Variants in MALRD1 observed in about 807,000 individuals in gnomAD.
The protein encoded by MALRD1 is MAM and LDL-receptor class A domain-containing protein 1.
Under a neutral mutation model 242.1 loss-of-function variants are expected in MALRD1, and 247 were observed. The ratio of observed to expected loss-of-function variants is 1.02; its 90% CI spans 0.92 to 1.13. The LOEUF (loss-of-function observed/expected upper bound fraction) is 1.13, where lower values mean the gene tolerates loss of function less well. MALRD1 is among the 50% of genes most tolerant of loss of function. MALRD1 has a pLI of 0.00. For synonymous variants in MALRD1, 995 were observed against 866.6 expected (o/e 1.15, Z -2.60); for missense variants, 2,989 against 2,533.1 (o/e 1.18, Z -3.86).
At chr10:19,692,656 G>A (rs1182606392) in intron 38 of MALRD1, 102 bp downstream of exon 38, 8 of 855,430 alleles carry the variant, frequency 9.4e-6, no homozygotes, top group Non-Finnish European at 1.4e-5. Flanking sequence ...ATTACATGCA[G>A]GAAACTTTAG....
chr10:19,395,206 C>T (rs1333907950), intron 28 of MALRD1, among the ~76,000 whole-genome samples: 1 of 152,166 alleles, frequency 6.6e-6, no homozygotes, highest in Non-Finnish European at 1.5e-5. Flanking sequence ...AGACAGATCT[C>T]AGTCAATTTA....
At chr10:19,350,270 T>C (rs980889165) in intron 25 of MALRD1, among the ~76,000 whole-genome samples, 1 of 114,310 alleles carries the variant, frequency 8.7e-6, no homozygotes, top group African/African-American at 3.1e-5. Flanking sequence ...TTTCTTTTTT[T>C]CTTTTTTTTT....
chr10:19,567,501 G>T lies in MALRD1; in HGVS notation c.5479-1G>T, dbSNP rs769590948. The T allele has an allele frequency of 1.9e-6, 3 of 1,549,828 alleles. No homozygotes were observed. Among genetic ancestry groups the T allele is most frequent in the Non-Finnish European group, 2.6e-6 (3 of 1,146,494 alleles). On this transcript the variant is annotated splice_acceptor_variant, in intron 32 of 39. Transcript: ENST00000454679. LOFTEE classifies it high-confidence loss of function. ...AAGTTATTTTTTAATGATTTTTAAA[G>T]GTGTATACCATTGAAGAATCGGGGC...
intron 29 of MALRD1, among the ~76,000 whole-genome samples, chr10:19,473,213 A>T (rs1035594923): frequency 2.7e-5 from 4 of 150,294 alleles, no homozygotes; most frequent in Non-Finnish European, 5.9e-5. Context: ...TTTTGAGGAT[A>T]AAGTGAGGTT....
chr10:19,226,424 G>A (rs912546301), intron 18 of MALRD1, among the ~76,000 whole-genome samples: 2 of 152,102 alleles, frequency 1.3e-5, no homozygotes, highest in African/African-American at 4.8e-5. Flanking sequence ...TATGAAAAAT[G>A]CAATGATGTC....
intron 18 of MALRD1, among the ~76,000 whole-genome samples, chr10:19,230,199 C>A (rs912759297): frequency 6.6e-6 from 1 of 152,128 alleles, no homozygotes; most frequent in Non-Finnish European, 1.5e-5. Context: ...ATAAATTACC[C>A]AGTCTTGGGT....
At chr10:19,490,611 A>G (rs1035403557) in intron 29 of MALRD1, among the ~76,000 whole-genome samples, 3 of 151,920 alleles carry the variant, frequency 2.0e-5, no homozygotes, top group Non-Finnish European at 4.4e-5. Flanking sequence ...TAACTGAGGT[A>G]GCAGGACTCT....
chr10:19,484,569 T>G (rs905382771), intron 29 of MALRD1, among the ~76,000 whole-genome samples: 1 of 152,238 alleles, frequency 6.6e-6, no homozygotes, highest in Non-Finnish European at 1.5e-5. Flanking sequence ...TTTTAAAAGA[T>G]TAATTTTATA....
At chr10:19,098,846 A>G (rs940990274) in intron 4 of MALRD1, among the ~76,000 whole-genome samples, 6 of 152,132 alleles carry the variant, frequency 3.9e-5, no homozygotes, top group African/African-American at 1.4e-4. Flanking sequence ...TTTCCAGTCC[A>G]TGGCGAAATG....
chr10:19,072,243 G>A (rs1406988805), intron 2 of MALRD1, among the ~76,000 whole-genome samples: 3 of 152,050 alleles, frequency 2.0e-5, no homozygotes, highest in Non-Finnish European at 4.4e-5. Flanking sequence ...GCTCTTCATT[G>A]AAAGGGCTGA....
At chr10:19,299,002 C>G (rs559914618) in intron 21 of MALRD1, among the ~76,000 whole-genome samples, 13 of 151,634 alleles carry the variant, frequency 8.6e-5, no homozygotes, top group Non-Finnish European at 1.9e-4. Context: ...AAGACTTTTT[C>G]AAACAAATGA....
Position 19,205,230 on chromosome 10 carries a change from A to C in MALRD1, c.2543A>C (p.Asp848Ala). The change falls in exon 17 of 40, where the codon GAT (aspartate) becomes GCT (alanine). Residue 848 changes from aspartate (D) to alanine (A), a missense_variant. Coordinates refer to ENST00000454679, the MANE Select transcript of MALRD1 (RefSeq NM_001142308.3). ...AAGCTTCGGTTATGTGATCTGGTGGATGACTGTGGTGATCGTACTGATGAA... is the reference window on the plus strand; with the variant it reads ...AAGCTTCGGTTATGTGATCTGGTGGCTGACTGTGGTGATCGTACTGATGAA... ...IEKLRLCDLV[D>A]DCGDRTDEVN... 1 of 1,550,916 alleles carries C rather than the reference A, an allele frequency of 6.4e-7. No homozygotes were observed. The highest frequency in any genetic ancestry group is 8.7e-7 in the Non-Finnish European group (1 of 1,147,020).
intron 8 of MALRD1, among the ~76,000 whole-genome samples, chr10:19,132,763 T>C (rs989833723): frequency 2.6e-5 from 4 of 152,168 alleles, no homozygotes; most frequent in African/African-American, 7.2e-5. Context: ...ATGCATTCTA[T>C]ATGTAAACAT....
intron 5 of MALRD1, among the ~76,000 whole-genome samples, chr10:19,122,890 T>G (rs557447443): frequency 1.1e-4 from 16 of 152,192 alleles, no homozygotes; most frequent in African/African-American, 3.6e-4. Flanking sequence ...CACGCCCAGA[T>G]AATTTTTGTA....
chr10:19,592,392 T>C (rs1645474924), intron 33 of MALRD1, among the ~76,000 whole-genome samples: 1 of 152,154 alleles, frequency 6.6e-6, no homozygotes, highest in African/African-American at 2.4e-5. Flanking sequence ...GGCCATCTTA[T>C]CTCCAACTCA....
At chr10:19,691,574 T>A (rs1842822175) in intron 36 of MALRD1, among the ~76,000 whole-genome samples, 1 of 152,128 alleles carries the variant, frequency 6.6e-6, no homozygotes, top group Admixed American at 6.5e-5. Context: ...ACATGAACTT[T>A]CAGATACTAC....
chr10:19,442,780 C>CT (rs1290675778), intron 28 of MALRD1, among the ~76,000 whole-genome samples: 2 of 152,044 alleles, frequency 1.3e-5, no homozygotes, highest in East Asian at 1.9e-4. Context: ...CTAAAATTCT[C>CT]TTTTTTTGCT....
intron 31 of MALRD1, among the ~76,000 whole-genome samples, chr10:19,520,571 T>C (rs1050204394): frequency 6.6e-6 from 1 of 152,238 alleles, no homozygotes; most frequent in Non-Finnish European, 1.5e-5. Context: ...CTTGCAGATT[T>C]AGTTTTCTTA....
At chr10:19,373,630 A>G (rs1359819642) in intron 26 of MALRD1, among the ~76,000 whole-genome samples, 3 of 152,180 alleles carry the variant, frequency 2.0e-5, no homozygotes, top group Non-Finnish European at 4.4e-5. Context: ...AAACATTTCT[A>G]TATAACCTTC....
Sources: allele counts gnomAD v4.1 joint callset (sites outside exome capture counted in the v4.1 genomes callset), GRCh38; gene constraint gnomAD v4.1.1; transcripts MANE v1.5; gene names NCBI Gene and HGNC (gene_info 2026-07-23, HGNC 2026-07-21).